The following SLC67A1 variants were observed in gnomAD, a reference collection of about 807,000 sequenced individuals.
SLC67A1 encodes the protein solute carrier family 67 member 1.
chr11:2,908,105 G>T, the SLC67A1 span: 1 of 643,456 alleles, frequency 1.6e-6, no homozygotes, highest in South Asian at 1.8e-5. Flanking sequence ...CCCCTCGATG[G>T]TCATACTGTG....
chr11:2,908,908 C>A, the SLC67A1 span, among the ~76,000 whole-genome samples: 1 of 152,202 alleles, frequency 6.6e-6, no homozygotes, highest in South Asian at 2.1e-4. Context: ...GCGGGCCCAC[C>A]CTTTGGTCCC....
the SLC67A1 span, chr11:2,919,324 T>C: frequency 6.2e-7 from 1 of 1,613,792 alleles, no homozygotes; most frequent in Non-Finnish European, 8.5e-7. Context: ...CATGGTCATG[T>C]TCTCCATCAT....
chr11:2,921,813 C>A, the SLC67A1 span: 13 of 393,724 alleles, frequency 3.3e-5, no homozygotes, highest in Non-Finnish European at 5.5e-5. Context: ...TGCGGCCGAG[C>A]CTGTCCCACC....
the SLC67A1 span, among the ~76,000 whole-genome samples, chr11:2,911,142 AC>A: frequency 6.6e-6 from 1 of 151,784 alleles, no homozygotes. Context: ...GACCAGCACC[AC>A]CCCCTCAAGT....
the SLC67A1 span, chr11:2,903,382 TC>T: frequency 6.2e-7 from 1 of 1,612,930 alleles, no homozygotes; most frequent in Non-Finnish European, 8.5e-7. Context: ...CCAGGGCCGG[TC>T]CCCCGGCAGG....
the SLC67A1 span, chr11:2,925,161 G>A: frequency 1.2e-6 from 2 of 1,613,718 alleles, no homozygotes; most frequent in Non-Finnish European, 1.7e-6. This position sits in a 1 kb window ranked among gnomAD's most constrained non-coding sequence, Gnocchi z 6.5. Flanking sequence ...TCCTCTGGAG[G>A]AAACCTATGC....
At chr11:2,911,738 G>A in the SLC67A1 span, among the ~76,000 whole-genome samples, 2 of 152,154 alleles carry the variant, frequency 1.3e-5, no homozygotes, top group African/African-American at 4.8e-5. Context: ...AGTAAGCCGT[G>A]GCCATGGTGC....
the SLC67A1 span, chr11:2,919,372 G>A: frequency 6.2e-7 from 1 of 1,613,874 alleles, no homozygotes; most frequent in South Asian, 1.1e-5. Flanking sequence ...CGCCCAAGCT[G>A]GCTACCTCAT....
At chr11:2,922,024 T>C in the SLC67A1 span, 1 of 1,114,752 alleles carries the variant, frequency 9.0e-7, no homozygotes, top group South Asian at 1.2e-5. Flanking sequence ...GGTCCCCAGC[T>C]TTGGGGGCTG....
At chr11:2,901,219 A>G in the SLC67A1 span, among the ~76,000 whole-genome samples, 8 of 152,206 alleles carry the variant, frequency 5.3e-5, no homozygotes, top group African/African-American at 1.9e-4. Context: ...TGCCCAACAT[A>G]TCTGAGCTGC....
At chr11:2,922,424 C>A in the SLC67A1 span, 4 of 1,609,048 alleles carry the variant, frequency 2.5e-6, no homozygotes, top group Non-Finnish European at 3.4e-6. Context: ...CGGCCCCCGC[C>A]TGCCGTCCCA....
chr11:2,909,157 C>G, the SLC67A1 span: 131 of 1,450,508 alleles, frequency 9.0e-5, 1 homozygote, highest in Non-Finnish European at 1.1e-4. Context: ...GGGACACTGA[C>G]CGCCTCCGTG....
chr11:2,899,834 T>G, the SLC67A1 span: 1 of 1,001,278 alleles, frequency 1.0e-6, no homozygotes, highest in Non-Finnish European at 1.4e-6. Context: ...CCACCACACC[T>G]CAGCGCCAGA....
the SLC67A1 span, chr11:2,915,332 TC>T: frequency 1.3e-6 from 1 of 783,662 alleles, no homozygotes; most frequent in Non-Finnish European, 1.5e-6. Context: ...GCGAGGAAAG[TC>T]CTTTCTTTGA....
chr11:2,914,590 G>A, the SLC67A1 span: 1 of 501,956 alleles, frequency 2.0e-6, no homozygotes, highest in African/African-American at 2.1e-5. Context: ...GGCCCTCCAG[G>A]GTCCCCCAGC....
the SLC67A1 span, chr11:2,903,504 C>T: frequency 3.4e-5 from 55 of 1,612,640 alleles, no homozygotes; most frequent in Admixed American, 1.3e-4. Context: ...GTAACACACC[C>T]CAGCCCCTGC....
chr11:2,917,575 C>T, the SLC67A1 span, among the ~76,000 whole-genome samples: 1 of 152,242 alleles, frequency 6.6e-6, no homozygotes, highest in African/African-American at 2.4e-5. Context: ...ACAGTATTGC[C>T]ATTGTCTTCC....
At chr11:2,924,830 A>T in the SLC67A1 span, among the ~76,000 whole-genome samples, 1 of 152,090 alleles carries the variant, frequency 6.6e-6, no homozygotes, top group Non-Finnish European at 1.5e-5. This position sits in a 1 kb window ranked among gnomAD's most constrained non-coding sequence, Gnocchi z 8.6. Flanking sequence ...TGGAGGTTAG[A>T]AGCTGGCAGG....
the SLC67A1 span, chr11:2,916,876 G>A: frequency 1.4e-6 from 1 of 722,826 alleles, no homozygotes; most frequent in Non-Finnish European, 2.4e-6. Context: ...TGCCTTCCTT[G>A]AACCCTTCCC....
Sources: gnomAD v4.1 joint callset for allele counts (sites outside exome capture counted in the v4.1 genomes callset) on GRCh38, gnomAD v4.1.1 for gene constraint, Gnocchi (gnomAD v3.1) non-coding constraint, MANE v1.5 for transcripts, NCBI Gene and HGNC (gene_info 2026-07-23, HGNC 2026-07-21) for gene names.